Variants in RUVBL2 observed in about 807,000 individuals in gnomAD.
RUVBL2 encodes RuvB like AAA ATPase 2.
A neutral mutation model predicts 57.9 loss-of-function variants in RUVBL2; 9 were observed. The observed-to-expected ratio is 0.16, with a 90% CI of 0.09 to 0.27. The LOEUF (loss-of-function observed/expected upper bound fraction) is 0.27. Ranked by LOEUF, RUVBL2 falls within the 10% of genes least tolerant of loss-of-function variation. The pLI, the probability that RUVBL2 is intolerant of heterozygous loss-of-function variation, is 1.00. For missense variants in RUVBL2, 456 were observed against 669.6 expected (o/e 0.68, Z 3.52); for synonymous variants, 278 against 264.6 (o/e 1.05, Z -0.49).
chr19:49,003,603 G>A (rs1169698677), intron 3 of RUVBL2, among the ~76,000 whole-genome samples: 1 of 152,076 alleles, frequency 6.6e-6, no homozygotes, highest in Non-Finnish European at 1.5e-5. Flanking sequence ...GACCAACATG[G>A]TGAAACCCTG....
At chr19:48,995,641 G>A (rs2039041778) in intron 1 of RUVBL2, among the ~76,000 whole-genome samples, 1 of 151,666 alleles carries the variant, frequency 6.6e-6, no homozygotes, top group South Asian at 2.1e-4. Context: ...TTGAGCCCAG[G>A]AATTTAAGAC....
In RUVBL2 at chr19:49,015,901, C is replaced by CTG; in HGVS notation, c.*61_*62dup. ...CCACCAGAGTTCTGACACTGTGACTCTGTATAAAATGGTTGGGAAGCTGCA... is the reference window on the plus strand; with the variant it reads ...CCACCAGAGTTCTGACACTGTGACTCTGTGTATAAAATGGTTGGGAAGCTGCA... On this transcript the variant is annotated 3_prime_UTR_variant, in exon 15 of 15. Coordinates refer to ENST00000595090, the MANE Select transcript of RUVBL2 (RefSeq NM_006666.3). The CTG allele has an allele frequency of 3.7e-6, 6 of 1,614,058 alleles. No individual in the cohort carries two copies. Among genetic ancestry groups the CTG allele is most frequent in the Non-Finnish European group, 4.2e-6 (5 of 1,179,904 alleles).
In RUVBL2 at chr19:49,015,934, T is replaced by C. The variant is rs2039542195; in HGVS notation, c.*92T>C. On this transcript the variant is annotated 3_prime_UTR_variant, in exon 15 of 15. Transcript: ENST00000595090. Reference sequence around the variant, plus strand: ...AATGGTTGGGAAGCTGCACCCACCCTGTGTATGTGTGGTTGCCCTGAGCCC... The same window carrying C: ...AATGGTTGGGAAGCTGCACCCACCCCGTGTATGTGTGGTTGCCCTGAGCCC... 5.0e-6 allele frequency: 8 copies of C among 1,613,674 alleles called. No homozygotes were observed. In the Admixed American group the frequency reaches 1.3e-4, roughly 27 times the overall value.
At position 49,010,556 on chromosome 19, in the gene RUVBL2, G is replaced by A; in HGVS notation, c.732G>A (p.Leu244=). 1.9e-6 allele frequency: 3 copies of A among 1,596,270 alleles called. No homozygotes were observed. The highest frequency in any genetic ancestry group is 2.6e-6 in the Non-Finnish European group (3 of 1,170,286). ...KRKEVVHTVS[L]HEIDVINSRT... is the part of the protein sequence containing the mutation. ...AGGAGGTGGTGCACACCGTGTCCCT[G>A]CACGAGATCGACGTCATCAACTCTC... The change falls in exon 9 of 15, where the codon CTG becomes CTA. Residue 244 remains leucine (L), a synonymous_variant. Coordinates refer to ENST00000595090, the MANE Select transcript of RUVBL2 (RefSeq NM_006666.3).
At chr19:48,993,759 C>T, upstream of RUVBL2, 1 of 964,004 alleles carries the variant, frequency 1.0e-6, no homozygotes. Flanking sequence ...GGTGGGAGGG[C>T]GGGGCATAAA....
intron 1 of RUVBL2, among the ~76,000 whole-genome samples, chr19:48,995,843 C>T (rs1427243047): frequency 8.6e-5 from 13 of 151,852 alleles, no homozygotes; most frequent in South Asian, 4.1e-4. Context: ...AAAAATTAGC[C>T]GGGCGTGGTG....
rs373529635 is a variant in RUVBL2 at position 49,015,707 on chromosome 19, C to A, written c.1366+21C>A. ...ACTCAGTAAGAATCCCCACCCCGCA[C>A]CTGCACTGCCAGAGCCAACCTCAGA... On this transcript the variant is annotated intron_variant, in intron 14 of 14. Transcript: ENST00000595090. 3.1e-6 allele frequency: 5 copies of A among 1,611,266 alleles called. No homozygotes were observed. The African/African-American group carries it at 6.7e-5, about 22-fold the overall frequency.
chr19:49,010,835 C>T (rs1174599892), intron 9 of RUVBL2, among the ~76,000 whole-genome samples, 164 bp from the exon 10 acceptor site: 1 of 152,188 alleles, frequency 6.6e-6, no homozygotes, highest in Non-Finnish European at 1.5e-5. Flanking sequence ...CCTGTGTTCT[C>T]TGCCTCTGTT....
intron 12 of RUVBL2, 51 bp from the exon 13 acceptor site, chr19:49,014,970 A>G: frequency 1.3e-6 from 2 of 1,558,724 alleles, no homozygotes; most frequent in Non-Finnish European, 1.7e-6. Flanking sequence ...CTTCTGCTGC[A>G]GTCAGAGGCT....
In RUVBL2 at chr19:49,006,434, C is replaced by T. The variant is rs188773035; in HGVS notation, c.266-584C>T. Among the ~76,000 whole-genome samples the T allele has an allele frequency of 1.8e-4, 27 of 152,360 alleles. No homozygotes were observed. The East Asian group carries it at 4.8e-3, about 27-fold the overall frequency. ...TGCGCAACCGTGTTACTGCTGAGCA[C>T]CAGTGCCTGCCTGCCTGCCTGCCCA... On this transcript the variant is annotated intron_variant, in intron 4 of 14. Coordinates refer to ENST00000595090, the MANE Select transcript of RUVBL2 (RefSeq NM_006666.3).
At chr19:49,003,860 A>T (rs1486980343) in intron 3 of RUVBL2, among the ~76,000 whole-genome samples, 1 of 151,880 alleles carries the variant, frequency 6.6e-6, no homozygotes, top group Non-Finnish European at 1.5e-5. Context: ...CACACTTGTA[A>T]TCCCAATACT....
At chr19:48,998,533 C>T (rs1229619931) in intron 1 of RUVBL2, among the ~76,000 whole-genome samples, 1 of 150,588 alleles carries the variant, frequency 6.6e-6, no homozygotes, top group Admixed American at 6.6e-5. Flanking sequence ...GGGCGAAACC[C>T]CATCTCTATT....
chr19:49,015,799 C>A lies in RUVBL2; in HGVS notation c.1367-18C>A, dbSNP rs1403649217. ...CACCTGGGCGACACTGACCATGTGGCCTTCCTTCTCCCCACAGAAGGCGAG... is the reference window on the plus strand; with the variant it reads ...CACCTGGGCGACACTGACCATGTGGACTTCCTTCTCCCCACAGAAGGCGAG... On this transcript the variant is annotated intron_variant, in intron 14 of 14. Coordinates refer to ENST00000595090, the MANE Select transcript of RUVBL2 (RefSeq NM_006666.3). 6.2e-7 allele frequency: 1 copy of A among 1,613,910 alleles called. No individual in the cohort carries two copies. Among genetic ancestry groups the A allele is most frequent in the African/African-American group, 1.3e-5 (1 of 74,932 alleles).
downstream of RUVBL2, chr19:49,015,985 A>T: frequency 6.2e-7 from 1 of 1,614,184 alleles, no homozygotes; most frequent in Non-Finnish European, 8.5e-7. Flanking sequence ...CAGAGTGCGG[A>T]TTGAGAAGCC....
Position 49,006,968 on chromosome 19 carries a change from G to C in RUVBL2, c.266-50G>C, listed in dbSNP as rs199735904. The C allele has an allele frequency of 3.8e-6, 6 of 1,599,706 alleles. No homozygotes were observed. In the Admixed American group the frequency reaches 8.4e-5, roughly 22 times the overall value. ...CTAGTTTGCCACAGAGCAGGTGTCG[G>C]GGACCTGGTGCCAGAGCGGCTTCAC... On this transcript the variant is annotated intron_variant, in intron 4 of 14. Coordinates refer to ENST00000595090, the MANE Select transcript of RUVBL2 (RefSeq NM_006666.3).
At chr19:48,999,438 C>T (rs1307636962) in intron 2 of RUVBL2, 65 bp downstream of exon 2, 1 of 1,532,452 alleles carries the variant, frequency 6.5e-7, no homozygotes, top group East Asian at 2.2e-5. Flanking sequence ...CAGAGCAAAC[C>T]TATTGAGGAC....
In RUVBL2 at chr19:49,009,994, G is replaced by A. The variant is rs1384425795; in HGVS notation, c.591G>A (p.Lys197=). 1 of 1,591,834 alleles carries A rather than the reference G, an allele frequency of 6.3e-7. No homozygotes were observed. The highest frequency in any genetic ancestry group is 1.1e-5 in the South Asian group (1 of 88,422). ...VQAGDVITID[K]ATGKISKLGR... ...GTAGGGACGTGATCACCATCGACAAGGCGACGGGCAAGATCTCCAAGCTGG... is the reference window on the plus strand; with the variant it reads ...GTAGGGACGTGATCACCATCGACAAAGCGACGGGCAAGATCTCCAAGCTGG... The change falls in exon 8 of 15, where the codon AAG becomes AAA. Residue 197 remains lysine, a synonymous_variant. Coordinates refer to ENST00000595090, the MANE Select transcript of RUVBL2 (RefSeq NM_006666.3).
intron 6 of RUVBL2, among the ~76,000 whole-genome samples, chr19:49,007,865 C>T (rs2039313056): frequency 6.6e-6 from 1 of 152,110 alleles, no homozygotes; most frequent in African/African-American, 2.4e-5. Context: ...CATGCCACCA[C>T]GCCCGGCTAA....
intron 3 of RUVBL2, among the ~76,000 whole-genome samples, chr19:49,003,923 TGGGTAACA>T (rs1181131434): frequency 1.3e-5 from 2 of 151,848 alleles, no homozygotes; most frequent in African/African-American, 4.8e-5. Context: ...GAGGCCAGCC[TGGGTAACA>T]TAGTGACACC....
Sources: allele counts gnomAD v4.1 joint callset (sites outside exome capture counted in the v4.1 genomes callset), GRCh38; gene constraint gnomAD v4.1.1; transcripts MANE v1.5; gene names NCBI Gene and HGNC (gene_info 2026-07-23, HGNC 2026-07-21).